HCN1: variants seen among roughly 807,000 people sequenced by gnomAD.
HCN1 encodes potassium/sodium hyperpolarization-activated cyclic nucleotide-gated channel 1.
A neutral mutation model predicts 78.9 loss-of-function variants in HCN1; 13 were observed. The observed-to-expected ratio is 0.16, with a 90% confidence interval of 0.11 to 0.26. The LOEUF (loss-of-function observed/expected upper bound fraction) is 0.26. HCN1 is among the 10% of genes least tolerant of loss of function. The pLI, the probability that HCN1 is intolerant of heterozygous loss-of-function variation, is 1.00. For synonymous variants in HCN1, 552 were observed against 455.5 expected (o/e 1.21, Z -2.70); for missense variants, 810 against 1,154.3 (o/e 0.70, Z 4.32).
chr5:45,315,519 G>A (rs1745966854), intron 5 of HCN1, among the ~76,000 whole-genome samples: 1 of 152,066 alleles, frequency 6.6e-6, no homozygotes, highest in Admixed American at 6.6e-5. Context: ...AAAAGCAAGA[G>A]CAAACACATT....
rs1238103240 is a variant in HCN1, at chr5:45,261,384, C to G, written c.*537G>C. On this transcript the variant is annotated 3_prime_UTR_variant, in exon 8 of 8. Transcript: ENST00000303230. Reference sequence around the variant, plus strand: ...CCAAGCAAGTAGTGCATTCTTTAACCTAATTTGAAATTGAAAGCACCGAAA... The same window carrying G: ...CCAAGCAAGTAGTGCATTCTTTAACGTAATTTGAAATTGAAAGCACCGAAA... 2 of 153,372 alleles carry G rather than the reference C, an allele frequency of 1.3e-5. No homozygotes were observed. Among genetic ancestry groups the G allele is most frequent in the Non-Finnish European group, 2.9e-5 (2 of 68,862 alleles). The allele number at this position is 153,372 out of a possible 1,614,324, so 9.5% of individuals were successfully genotyped here. A position where few individuals can be genotyped will look rare whatever the true frequency, so the allele number is the denominator to read the frequency against.
intron 2 of HCN1, among the ~76,000 whole-genome samples, chr5:45,492,596 G>A (rs1349772211): frequency 7.7e-5 from 10 of 129,858 alleles, no homozygotes; most frequent in Admixed American, 2.7e-4. Context: ...CCACCTCCCC[G>A]GTTCAAGTGA....
intron 2 of HCN1, among the ~76,000 whole-genome samples, chr5:45,472,151 G>C (rs1240496809): frequency 6.6e-6 from 1 of 151,814 alleles, no homozygotes; most frequent in Non-Finnish European, 1.5e-5. Context: ...ACTTGTCATA[G>C]TACCCTTTAA....
intron 3 of HCN1, among the ~76,000 whole-genome samples, chr5:45,440,856 C>T (rs1183442955): frequency 6.6e-6 from 1 of 152,164 alleles, no homozygotes; most frequent in African/African-American, 2.4e-5. Context: ...TAGCTTTTCA[C>T]TTTACCAAGA....
intron 3 of HCN1, among the ~76,000 whole-genome samples, chr5:45,444,211 A>G (rs1452449606): frequency 6.6e-6 from 1 of 152,184 alleles, no homozygotes; most frequent in Admixed American, 6.5e-5. Flanking sequence ...AAGTGAGTTC[A>G]GTAAGAGGCT....
At chr5:45,329,361 T>C (rs1296773251) in intron 5 of HCN1, among the ~76,000 whole-genome samples, 1 of 151,488 alleles carries the variant, frequency 6.6e-6, no homozygotes, top group East Asian at 1.9e-4. Context: ...TACACAATAT[T>C]AGCATAGAGT....
rs542978033 is a variant in HCN1 at position 45,425,936 on chromosome 5, A to C, written c.1012-29226T>G. ...AAGATAGAACACATAAAAAGCATAT[A>C]ACAAACTAGAACTTGATGTGAAAGC... is the stretch of plus-strand genomic sequence containing the variant. On this transcript the variant is annotated intron_variant, in intron 3 of 7. Transcript: ENST00000303230. 1.8e-3 allele frequency among the ~76,000 whole-genome samples: 273 copies of C among 152,320 alleles called. 2 individuals are homozygous for C. Among genetic ancestry groups the C allele is most frequent in the African/African-American group, 6.3e-3 (264 of 41,584 alleles).
intron 5 of HCN1, among the ~76,000 whole-genome samples, chr5:45,322,892 A>T (rs565781347): frequency 6.6e-6 from 1 of 151,848 alleles, no homozygotes; most frequent in Non-Finnish European, 1.5e-5. Context: ...ACCTACTACT[A>T]CTAAGAGGTA....
At chr5:45,417,400 G>T (rs2112062962) in intron 3 of HCN1, among the ~76,000 whole-genome samples, 1 of 151,788 alleles carries the variant, frequency 6.6e-6, no homozygotes, top group African/African-American at 2.4e-5. Flanking sequence ...CAGAATTAAG[G>T]GTAGAGTCTA....
At chr5:45,472,139 A>C (rs1350914664) in intron 2 of HCN1, among the ~76,000 whole-genome samples, 1 of 151,874 alleles carries the variant, frequency 6.6e-6, no homozygotes. Context: ...AAGGCAAACA[A>C]AACTTGTCAT....
intron 2 of HCN1, among the ~76,000 whole-genome samples, chr5:45,584,646 A>T (rs1010871741): frequency 6.6e-6 from 1 of 152,158 alleles, no homozygotes; most frequent in African/African-American, 2.4e-5. Context: ...ACAATTTGGC[A>T]TGTTTTTGCA....
intron 4 of HCN1, among the ~76,000 whole-genome samples, chr5:45,365,111 T>G (rs1448848374): frequency 6.6e-6 from 1 of 152,058 alleles, no homozygotes; most frequent in Non-Finnish European, 1.5e-5. Context: ...AGCTTTGAAG[T>G]CCTTTTTAAA....
At chr5:45,328,236 C>A (rs921507459) in intron 5 of HCN1, among the ~76,000 whole-genome samples, 1 of 151,392 alleles carries the variant, frequency 6.6e-6, no homozygotes, top group Admixed American at 6.6e-5. Context: ...TCGCAGTTTG[C>A]GGTGCCACAG....
Position 45,289,400 on chromosome 5 carries a change from G to A in HCN1, c.1618+14199C>T, listed in dbSNP as rs566616968. ...AGTTGTACTTGCATACTTTGTTGAAGTGTGCCTTCTCAGAGACATTTATGT... is the reference window on the plus strand; with the variant it reads ...AGTTGTACTTGCATACTTTGTTGAAATGTGCCTTCTCAGAGACATTTATGT... On this transcript the variant is annotated intron_variant, in intron 6 of 7. Coordinates refer to ENST00000303230, the MANE Select transcript of HCN1 (RefSeq NM_021072.4). Among the ~76,000 whole-genome samples, 13 of 152,146 alleles carry A rather than the reference G, an allele frequency of 8.5e-5. 2 individuals carry two copies. In the South Asian group the frequency reaches 2.7e-3, roughly 32 times the overall value.
At chr5:45,533,798 G>A (rs1417858687) in intron 2 of HCN1, among the ~76,000 whole-genome samples, 2 of 152,106 alleles carry the variant, frequency 1.3e-5, no homozygotes, top group Non-Finnish European at 2.9e-5. Flanking sequence ...TCAGGAAAGG[G>A]CTTTTTATGT....
chr5:45,339,658 T>A (rs1223922066), intron 5 of HCN1, among the ~76,000 whole-genome samples: 1 of 152,166 alleles, frequency 6.6e-6, no homozygotes, highest in Non-Finnish European at 1.5e-5. Flanking sequence ...TGTAATGGAA[T>A]GCATTTTAGC....
chr5:45,476,848 G>A (rs2111664543), intron 2 of HCN1, among the ~76,000 whole-genome samples: 1 of 152,180 alleles, frequency 6.6e-6, no homozygotes, highest in Admixed American at 6.6e-5. Flanking sequence ...TTTGTTTCAT[G>A]CACAAAATTA....
intron 6 of HCN1, among the ~76,000 whole-genome samples, chr5:45,287,649 T>C (rs1745293808): frequency 6.6e-6 from 1 of 152,034 alleles, no homozygotes; most frequent in South Asian, 2.1e-4. Flanking sequence ...GTTGAGGTTA[T>C]CTCTAGTTTT....
chr5:45,508,294 A>C (rs1207166385), intron 2 of HCN1, among the ~76,000 whole-genome samples: 2 of 152,090 alleles, frequency 1.3e-5, no homozygotes, highest in African/African-American at 4.8e-5. Flanking sequence ...AACCATAAGG[A>C]GTTAGATTAC....
Sources: allele counts gnomAD v4.1 joint callset (sites outside exome capture counted in the v4.1 genomes callset), GRCh38; gene constraint gnomAD v4.1.1; transcripts MANE v1.5; gene names NCBI Gene and HGNC (gene_info 2026-07-23, HGNC 2026-07-21).